The following PTPRD variants were observed in gnomAD, a reference collection of about 807,000 sequenced individuals.
The protein encoded by PTPRD is protein tyrosine phosphatase receptor type D, also known as receptor-type tyrosine-protein phosphatase delta.
PTPRD carries 34 observed loss-of-function variants against 214.5 expected under a neutral mutation model. That is an observed-to-expected ratio of 0.16 (90% CI 0.12 to 0.21). PTPRD has a LOEUF of 0.21. Among genes scored for constraint, PTPRD ranks in the 10% least tolerant of loss-of-function variants. The probability of loss-of-function intolerance (pLI) is 1.00; values close to 1 mark genes in which losing one functional copy is unlikely to be tolerated. For missense variants in PTPRD, 2,545 were observed against 2,398.7 expected (o/e 1.06, Z -1.27); for synonymous variants, 1,128 against 845.7 (o/e 1.33, Z -5.79).
chr9:8,934,480 T>TATATATATATAA (rs1567100174), intron 11 of PTPRD, among the ~76,000 whole-genome samples: 131 of 8,036 alleles, frequency 0.016, 12 homozygotes, highest in Middle Eastern at 0.1. Flanking sequence ...TATATATAAA[T>TATATATATATAA]ATATATATAT....
At chr9:8,685,015 G>T (rs2097650040) in intron 12 of PTPRD, among the ~76,000 whole-genome samples, 1 of 152,120 alleles carries the variant, frequency 6.6e-6, no homozygotes, top group Admixed American at 6.5e-5. Context: ...CTGGGGATGG[G>T]CTGTGTTTGC....
chr9:9,026,854 C>T (rs167785), intron 10 of PTPRD, among the ~76,000 whole-genome samples: 62,613 of 151,510 alleles, frequency 0.41, 13,243 homozygotes, highest in Middle Eastern at 0.52. Context: ...TTTCTCTAAG[C>T]TGGACTCTCC....
intron 12 of PTPRD, among the ~76,000 whole-genome samples, chr9:8,702,783 AT>A (rs532568908): frequency 6.6e-6 from 1 of 151,892 alleles, no homozygotes; most frequent in Non-Finnish European, 1.5e-5. Context: ...AATTTTTTGT[AT>A]TTTTAGTAAA....
rs200790773 is a variant in PTPRD, at chr9:8,341,786, G to A, written c.4854C>T (p.Thr1618=). 32 of 1,613,434 alleles carry A rather than the reference G, an allele frequency of 2.0e-5. No individual in the cohort carries two copies. The highest frequency in any genetic ancestry group is 1.7e-4 in the African/African-American group (13 of 74,918). The change falls in exon 40 of 46, where the codon ACC becomes ACT. Residue 1618 remains threonine, a synonymous_variant. Coordinates refer to ENST00000381196, the MANE Select transcript of PTPRD (RefSeq NM_002839.4). ...ALLEAVTCGN[T]EVPARNLYAY... is the part of the protein sequence containing the mutation. ...CATACAAGTTTCTAGCTGGCACTTC[G>A]GTATTTCCACAAGTCACTGCTTCTA...
At chr9:8,437,025 A>G (rs934006576) in intron 34 of PTPRD, among the ~76,000 whole-genome samples, 1 of 152,330 alleles carries the variant, frequency 6.6e-6, no homozygotes, top group Admixed American at 6.5e-5. Flanking sequence ...TTGAGTAATG[A>G]CTTTTATGCC....
chr9:8,808,587 C>T (rs1243856412), intron 11 of PTPRD, among the ~76,000 whole-genome samples: 1 of 150,890 alleles, frequency 6.6e-6, no homozygotes, highest in African/African-American at 2.4e-5. Context: ...TCCTGGCCCA[C>T]TGTATTTATG....
intron 11 of PTPRD, among the ~76,000 whole-genome samples, chr9:8,816,066 T>C (rs925046335): frequency 1.7e-4 from 26 of 152,278 alleles, no homozygotes; most frequent in African/African-American, 5.8e-4. Flanking sequence ...ACCAAACCAC[T>C]ACTAAGGATT....
At chr9:9,756,070 T>C (rs1026324709) in intron 6 of PTPRD, among the ~76,000 whole-genome samples, 58 of 152,090 alleles carry the variant, frequency 3.8e-4, no homozygotes, top group African/African-American at 1.3e-3. Flanking sequence ...AACCTTTATA[T>C]TCCTCTTATT....
chr9:10,259,312 C>G (rs2093533337), intron 3 of PTPRD, among the ~76,000 whole-genome samples: 1 of 152,200 alleles, frequency 6.6e-6, no homozygotes, highest in African/African-American at 2.4e-5. Flanking sequence ...GCGTGAGCCA[C>G]CGCGCCCGGC....
rs1207464531 is a variant in PTPRD, at chr9:8,670,550, T to C, written c.65-33706A>G. Among the ~76,000 whole-genome samples the C allele has an allele frequency of 2.6e-5, 4 of 152,226 alleles. 1 individual carries two copies. ...CAGATGTTAATCTGCTTCACAACAG[T>C]AACCACTATGCTATCTATATGTTTC... On this transcript the variant is annotated intron_variant, in intron 12 of 45. Coordinates refer to ENST00000381196, the MANE Select transcript of PTPRD (RefSeq NM_002839.4).
chr9:9,696,603 T>A (rs905492420), intron 7 of PTPRD, among the ~76,000 whole-genome samples: 2 of 152,166 alleles, frequency 1.3e-5, no homozygotes, highest in Non-Finnish European at 2.9e-5. Context: ...GTCTATGTTA[T>A]CTGATTTAAA....
At chr9:8,768,778 T>C (rs894712936) in intron 11 of PTPRD, among the ~76,000 whole-genome samples, 2 of 152,078 alleles carry the variant, frequency 1.3e-5, no homozygotes, top group African/African-American at 2.4e-5. Context: ...AAACCAAATA[T>C]GTACAGAATT....
At chr9:10,141,861 G>T (rs1174313076) in intron 3 of PTPRD, among the ~76,000 whole-genome samples, 1 of 151,708 alleles carries the variant, frequency 6.6e-6, no homozygotes, top group African/African-American at 2.4e-5. Flanking sequence ...ATGCTACAAG[G>T]CTACAGTAAC....
At chr9:9,123,553 T>C (rs2099819638) in intron 10 of PTPRD, among the ~76,000 whole-genome samples, 1 of 152,146 alleles carries the variant, frequency 6.6e-6, no homozygotes, top group Admixed American at 6.6e-5. Context: ...CATTTTTTTT[T>C]TCCAATGGCA....
chr9:10,052,718 C>G (rs183421720), intron 3 of PTPRD, among the ~76,000 whole-genome samples: 1 of 152,104 alleles, frequency 6.6e-6, no homozygotes, highest in Non-Finnish European at 1.5e-5. Context: ...TGCTTTTCCT[C>G]CTGAAACATC....
chr9:8,947,131 C>G (rs1278712094), intron 11 of PTPRD, among the ~76,000 whole-genome samples: 1 of 148,942 alleles, frequency 6.7e-6, no homozygotes, highest in African/African-American at 2.5e-5. Flanking sequence ...CTCTTCTACT[C>G]TTTCCTAATT....
chr9:8,523,613 A>T, intron 18 of PTPRD, 89 bp from the exon 19 acceptor site: 1 of 1,437,408 alleles, frequency 7.0e-7, no homozygotes, highest in Non-Finnish European at 9.7e-7. Context: ...AAAAGGCCAT[A>T]TCAAGGCTTT....
intron 14 of PTPRD, among the ~76,000 whole-genome samples, chr9:8,547,414 G>A (rs1272270123): frequency 1.3e-5 from 2 of 152,142 alleles, no homozygotes; most frequent in African/African-American, 4.8e-5. Context: ...AGGCCAAGGT[G>A]GGCAGATTGC....
chr9:9,724,358 C>G (rs1375122270), intron 7 of PTPRD, among the ~76,000 whole-genome samples: 1 of 152,172 alleles, frequency 6.6e-6, no homozygotes, highest in African/African-American at 2.4e-5. Flanking sequence ...TATCATCTCT[C>G]AAAGCTCAAC....
Sources: allele counts gnomAD v4.1 joint callset (sites outside exome capture counted in the v4.1 genomes callset), GRCh38; gene constraint gnomAD v4.1.1; transcripts MANE v1.5; gene names NCBI Gene and HGNC (gene_info 2026-07-23, HGNC 2026-07-21).